LDB2: variants seen among roughly 807,000 people sequenced by gnomAD.
LDB2 encodes the protein LIM domain binding 2, also known as LIM domain-binding protein 2.
A neutral mutation model predicts 44.3 loss-of-function variants in LDB2; 12 were observed. That is an observed-to-expected ratio of 0.27 (90% CI 0.17 to 0.44). LDB2 has a LOEUF of 0.44. LDB2 is among the 20% of genes least tolerant of loss of function. The probability of loss-of-function intolerance (pLI) is 1.00; values close to 1 mark genes in which losing one functional copy is unlikely to be tolerated. For missense variants in LDB2, 344 were observed against 473.5 expected, an observed-to-expected ratio of 0.73 and a Z score of 2.54; for synonymous variants, 164 against 174.8, an observed-to-expected ratio of 0.94 and a Z score of 0.49.
intron 1 of LDB2, among the ~76,000 whole-genome samples, chr4:16,833,659 C>G (rs1403445921): frequency 6.6e-6 from 1 of 151,976 alleles, no homozygotes; most frequent in Admixed American, 6.6e-5. Context: ...TCTCCTGCCT[C>G]AGCCTCCCGA....
intron 5 of LDB2, among the ~76,000 whole-genome samples, chr4:16,539,797 A>G (rs73234790): frequency 0.014 from 2,171 of 152,240 alleles, 22 homozygotes; most frequent in Middle Eastern, 0.031. Flanking sequence ...AGTGGTGTTC[A>G]CCAAATATCC....
chr4:16,502,421 A>G lies in LDB2; in HGVS notation c.*222T>C, dbSNP rs1577201827. On this transcript the variant is annotated 3_prime_UTR_variant, in exon 8 of 8. Transcript: ENST00000304523. ...TACAATCAGTGCCAGTATCTGTATT[A>G]CCTGTGAAGGCCTCCAAGAAAGGGT... The G allele has an allele frequency of 3.4e-6, 2 of 589,912 alleles. No homozygotes were observed. Among genetic ancestry groups the G allele is most frequent in the East Asian group, 2.9e-5 (1 of 34,062 alleles). The allele number at this position is 589,912 out of a possible 1,614,324, so 36.5% of individuals were successfully genotyped here. A position where few individuals can be genotyped will look rare whatever the true frequency, so the allele number is the denominator to read the frequency against.
chr4:16,527,619 C>T (rs538388002), intron 5 of LDB2, among the ~76,000 whole-genome samples: 86 of 152,194 alleles, frequency 5.7e-4, no homozygotes, highest in African/African-American at 2.0e-3. Context: ...CACTTGGACA[C>T]GCATGTTTAG....
At chr4:16,710,821 G>T (rs1431552932) in intron 2 of LDB2, among the ~76,000 whole-genome samples, 5 of 152,052 alleles carry the variant, frequency 3.3e-5, no homozygotes, top group African/African-American at 1.2e-4. Context: ...ACTGTTTACT[G>T]CCCTGAACCA....
chr4:16,505,407 T>C (rs1165216561), intron 7 of LDB2, among the ~76,000 whole-genome samples: 1 of 151,946 alleles, frequency 6.6e-6, no homozygotes, highest in African/African-American at 2.4e-5. Context: ...AATTGACAAA[T>C]GGCAAGTTAA....
At chr4:16,676,295 T>A (rs947828352) in intron 2 of LDB2, among the ~76,000 whole-genome samples, 2 of 152,244 alleles carry the variant, frequency 1.3e-5, no homozygotes, top group Non-Finnish European at 2.9e-5. Context: ...TTCTGGAAGA[T>A]GTTGATGGAA....
At chr4:16,793,637 G>A (rs931098489) in intron 1 of LDB2, among the ~76,000 whole-genome samples, 2 of 152,170 alleles carry the variant, frequency 1.3e-5, no homozygotes, top group East Asian at 1.9e-4. Context: ...ATCTAAATCT[G>A]TCATGTAAAT....
At chr4:16,644,605 T>C (rs1736166162) in intron 2 of LDB2, among the ~76,000 whole-genome samples, 1 of 151,966 alleles carries the variant, frequency 6.6e-6, no homozygotes, top group African/African-American at 2.4e-5. Flanking sequence ...TTTTTTTGTG[T>C]TTTTAGTAGA....
chr4:16,522,276 T>TTGTGTGTGTGTGTGTG lies in LDB2; in HGVS notation c.616-10188_616-10173dup, dbSNP rs139556977. The stretch of plus-strand genomic sequence containing the variant: ...GATATTCCCCGCCGTGTGTGTGTGT[T>TTGTGTGTGTGTGTGTG]TGTGTGTGTGTGTGTGTGTGTATGT... On this transcript the variant is annotated intron_variant, in intron 5 of 7. Transcript: ENST00000304523. Among the ~76,000 whole-genome samples, 74 of 150,346 alleles carry TTGTGTGTGTGTGTGTG rather than the reference T, an allele frequency of 4.9e-4. No individual in the cohort carries two copies. In the East Asian group the frequency reaches 0.011, roughly 22 times the overall value.
chr4:16,883,383 C>T (rs945769949), intron 1 of LDB2, among the ~76,000 whole-genome samples: 44 of 152,078 alleles, frequency 2.9e-4, no homozygotes, highest in Admixed American at 2.0e-3. Flanking sequence ...AATATTTCTC[C>T]GAGGCTTAAG....
chr4:16,794,216 T>C (rs2109647797), intron 1 of LDB2, among the ~76,000 whole-genome samples: 1 of 152,230 alleles, frequency 6.6e-6, no homozygotes, highest in Admixed American at 6.5e-5. Context: ...GCTGAGATGA[T>C]TTGGTTTACA....
intron 2 of LDB2, among the ~76,000 whole-genome samples, chr4:16,616,474 A>G (rs1054979486): frequency 6.6e-6 from 1 of 152,018 alleles, no homozygotes; most frequent in African/African-American, 2.4e-5. Context: ...GGTGCTGAGA[A>G]TAAAATCAAC....
chr4:16,799,396 G>T (rs745783797), intron 1 of LDB2, among the ~76,000 whole-genome samples: 16 of 152,174 alleles, frequency 1.1e-4, no homozygotes, highest in Non-Finnish European at 1.9e-4. Flanking sequence ...AGGGCCAGAG[G>T]AGTCACTCAC....
intron 2 of LDB2, among the ~76,000 whole-genome samples, chr4:16,743,459 T>C (rs1763753037): frequency 6.6e-6 from 1 of 152,088 alleles, no homozygotes; most frequent in Non-Finnish European, 1.5e-5. Flanking sequence ...TATGATGGGA[T>C]ATTATCCCAT....
rs1345301038 is a variant in LDB2, at chr4:16,747,950, GACAA to G, written c.235+11204_235+11207del. On this transcript the variant is annotated intron_variant, in intron 2 of 7. Coordinates refer to ENST00000304523, the MANE Select transcript of LDB2 (RefSeq NM_001290.5). Reference sequence around the variant, plus strand: ...TGATGCATTTTTCAAAGTAAAAAAAGACAAACAATCAAACTGCAAATAAGATTAT... The same window carrying G: ...TGATGCATTTTTCAAAGTAAAAAAAGACAATCAAACTGCAAATAAGATTAT... Among the ~76,000 whole-genome samples the G allele has an allele frequency of 7.9e-5, 12 of 152,082 alleles. No homozygotes were observed. The East Asian group carries it at 1.6e-3, about 20-fold the overall frequency.
At chr4:16,553,306 C>T (rs1290268066) in intron 5 of LDB2, among the ~76,000 whole-genome samples, 1 of 152,062 alleles carries the variant, frequency 6.6e-6, no homozygotes, top group Non-Finnish European at 1.5e-5. Context: ...GTACATGCCA[C>T]CATGCCCAGT....
In LDB2 at chr4:16,549,026, T is replaced by G. The variant is rs532923969; in HGVS notation, c.615+36896A>C. On this transcript the variant is annotated intron_variant, in intron 5 of 7. Coordinates refer to ENST00000304523, the MANE Select transcript of LDB2 (RefSeq NM_001290.5). ...AGGTATTGGAGTACAAAGAAAGATTTTATGCGTTCTGAAACCTGTAGGTCA... is the reference window on the plus strand; with the variant it reads ...AGGTATTGGAGTACAAAGAAAGATTGTATGCGTTCTGAAACCTGTAGGTCA... Among the ~76,000 whole-genome samples, 46 of 152,330 alleles carry G rather than the reference T, an allele frequency of 3.0e-4. No homozygotes were observed. In the South Asian group the frequency reaches 8.1e-3, roughly 27 times the overall value.
intron 2 of LDB2, among the ~76,000 whole-genome samples, chr4:16,749,575 A>T (rs1167583763): frequency 0.073 from 9,950 of 137,100 alleles, 402 homozygotes; most frequent in East Asian, 0.25. Flanking sequence ...AAAAAAAATA[A>T]AAAAATAAAA....
At chr4:16,693,437 C>A (rs1751333170) in intron 2 of LDB2, among the ~76,000 whole-genome samples, 1 of 150,578 alleles carries the variant, frequency 6.6e-6, no homozygotes, top group African/African-American at 2.5e-5. Flanking sequence ...CTCACCGCAA[C>A]CTCCGCCTCC....
Sources: allele counts gnomAD v4.1 joint callset (sites outside exome capture counted in the v4.1 genomes callset), GRCh38; gene constraint gnomAD v4.1.1; transcripts MANE v1.5; gene names NCBI Gene and HGNC (gene_info 2026-07-23, HGNC 2026-07-21).